HUNK: variants seen among roughly 807,000 people sequenced by gnomAD.
HUNK encodes hormonally up-regulated Neu-associated kinase.
In HUNK, 21 loss-of-function variants were observed where a neutral mutation model predicts 61.0. The observed-to-expected ratio is 0.34, with a 90% CI of 0.24 to 0.50. HUNK has a LOEUF of 0.50. Among genes scored for constraint, HUNK ranks in the 20% least tolerant of loss-of-function variants. The probability of loss-of-function intolerance (pLI) is 0.98; values close to 1 mark genes in which losing one functional copy is unlikely to be tolerated. For missense variants in HUNK, 772 were observed against 945.7 expected (o/e 0.82, Z 2.41); for synonymous variants, 371 against 386.1 (o/e 0.96, Z 0.46).
At chr21:31,979,164 G>A (rs1330512134) in intron 7 of HUNK, among the ~76,000 whole-genome samples, 3 of 150,014 alleles carry the variant, frequency 2.0e-5, no homozygotes, top group East Asian at 3.9e-4. Flanking sequence ...GTGCAGTGGC[G>A]TGATCTCGGC....
chr21:31,979,736 C>T (rs1212117880), intron 7 of HUNK, among the ~76,000 whole-genome samples: 3 of 151,710 alleles, frequency 2.0e-5, no homozygotes, highest in African/African-American at 4.8e-5. Flanking sequence ...AGGATGGTCT[C>T]AATCTCCTGA....
At chr21:31,907,200 C>A (rs889235273) in intron 1 of HUNK, among the ~76,000 whole-genome samples, 6 of 151,996 alleles carry the variant, frequency 3.9e-5, no homozygotes, top group African/African-American at 1.4e-4. Context: ...AAAAAATGTG[C>A]TTTGTCCGAA....
intron 8 of HUNK, among the ~76,000 whole-genome samples, chr21:31,985,111 G>A (rs368309097): frequency 2.6e-5 from 4 of 152,190 alleles, no homozygotes; most frequent in Admixed American, 6.5e-5. Context: ...ATCTCCACCT[G>A]TCCCCGCCCT....
At chr21:31,952,059 T>C (rs2052853787) in intron 4 of HUNK, among the ~76,000 whole-genome samples, 1 of 151,804 alleles carries the variant, frequency 6.6e-6, no homozygotes, top group Non-Finnish European at 1.5e-5. Flanking sequence ...ATATTTAACA[T>C]AGAGTAAAGG....
intron 4 of HUNK, among the ~76,000 whole-genome samples, chr21:31,957,373 A>G (rs116453462): frequency 0.015 from 2,247 of 152,304 alleles, 55 homozygotes; most frequent in African/African-American, 0.052. Flanking sequence ...AACTAACTCC[A>G]CTGTGAGTGG....
chr21:31,929,552 G>A (rs1486001737), intron 2 of HUNK, among the ~76,000 whole-genome samples: 2 of 152,172 alleles, frequency 1.3e-5, no homozygotes, highest in South Asian at 2.1e-4. Context: ...CAAGAACGCC[G>A]ATTCTGCTGA....
At chr21:31,909,118 T>G (rs956508568) in intron 1 of HUNK, among the ~76,000 whole-genome samples, 3 of 152,180 alleles carry the variant, frequency 2.0e-5, no homozygotes, top group Admixed American at 2.0e-4. Flanking sequence ...ATTTTATCCT[T>G]GTGGATAATA....
rs1033477559 is a variant in HUNK, at chr21:31,924,883, A to G, written c.554+123A>G. 2 of 739,368 alleles carry G rather than the reference A, an allele frequency of 2.7e-6. No homozygotes were observed. Among genetic ancestry groups the G allele is most frequent in the Middle Eastern group, 4.1e-4 (1 of 2,460 alleles). The allele number at this position is 739,368 out of a possible 1,614,324, so 45.8% of individuals were successfully genotyped here. A position where few individuals can be genotyped will look rare whatever the true frequency, so the allele number is the denominator to read the frequency against. ...GCAGCCTGTTTTACAATTTGTCTAT[A>G]TTTTAATTTTATTTATTTGTTTATT... On this transcript the variant is annotated intron_variant, in intron 2 of 10. Coordinates refer to ENST00000270112, the MANE Select transcript of HUNK (RefSeq NM_014586.2). The surrounding 1 kb of genome is among the most constrained non-coding windows in gnomAD (Gnocchi z 5.1).
intron 10 of HUNK, among the ~76,000 whole-genome samples, chr21:31,996,528 G>A (rs1042255955): frequency 6.6e-6 from 1 of 152,158 alleles, no homozygotes; most frequent in African/African-American, 2.4e-5. Flanking sequence ...TGACAAATAT[G>A]TTTCCCTCCT....
intron 1 of HUNK, among the ~76,000 whole-genome samples, chr21:31,910,316 C>G (rs2052537190): frequency 6.6e-6 from 1 of 152,088 alleles, no homozygotes. Context: ...TGTCTTCGCA[C>G]AGACATCCTC....
chr21:31,874,372 G>T (rs2052243163), intron 1 of HUNK, among the ~76,000 whole-genome samples: 1 of 151,944 alleles, frequency 6.6e-6, no homozygotes, highest in East Asian at 1.9e-4. Context: ...CAGCCTCTGG[G>T]GGGAGCTTAG....
chr21:31,979,272 C>A (rs2053074464), intron 7 of HUNK, among the ~76,000 whole-genome samples: 1 of 151,956 alleles, frequency 6.6e-6, no homozygotes, highest in African/African-American at 2.4e-5. Flanking sequence ...GTGCACACCA[C>A]CATGCCCAGC....
At chr21:31,964,303 G>T (rs1338933066) in intron 5 of HUNK, among the ~76,000 whole-genome samples, 1 of 152,172 alleles carries the variant, frequency 6.6e-6, no homozygotes, top group African/African-American at 2.4e-5. Context: ...TGATGAGGAG[G>T]GAGCTTCAAG....
intron 1 of HUNK, among the ~76,000 whole-genome samples, chr21:31,909,926 A>C (rs1271936116): frequency 3.3e-5 from 5 of 151,860 alleles, no homozygotes; most frequent in Non-Finnish European, 7.4e-5. Flanking sequence ...TTTTATGCGG[A>C]ATTCAGGCTT....
chr21:31,906,524 TC>T (rs757651295), intron 1 of HUNK, among the ~76,000 whole-genome samples: 1 of 152,064 alleles, frequency 6.6e-6, no homozygotes, highest in Non-Finnish European at 1.5e-5. Flanking sequence ...AACCTCTGCC[TC>T]CCGGGCTCAG....
chr21:31,989,675 C>T (rs1034823225), intron 8 of HUNK, among the ~76,000 whole-genome samples: 1 of 142,850 alleles, frequency 7.0e-6, no homozygotes, highest in Admixed American at 7.2e-5. Flanking sequence ...GGTCGTGCTA[C>T]TGCACTCTAA....
chr21:31,929,900 G>A (rs80312824), intron 2 of HUNK, among the ~76,000 whole-genome samples: 3,710 of 152,340 alleles, frequency 0.024, 147 homozygotes, highest in African/African-American at 0.086. Context: ...TGCTGGTTAG[G>A]GGGTTAAGAA....
chr21:31,895,610 G>A (rs2052419598), intron 1 of HUNK, among the ~76,000 whole-genome samples: 1 of 152,204 alleles, frequency 6.6e-6, no homozygotes, highest in African/African-American at 2.4e-5. Flanking sequence ...AGCATTAGGA[G>A]AGTAACTTCT....
In HUNK at chr21:31,873,024, G is replaced by A. The variant is rs2052225703; in HGVS notation, c.-651G>A. Among the ~76,000 whole-genome samples the A allele has an allele frequency of 6.6e-6, 1 of 152,164 alleles. No individual in the cohort carries two copies. The highest frequency in any genetic ancestry group is 2.4e-5 in the African/African-American group (1 of 41,458). On this transcript the variant is annotated 5_prime_UTR_variant, in exon 1 of 11. Coordinates refer to ENST00000270112, the MANE Select transcript of HUNK (RefSeq NM_014586.2). The surrounding 1 kb of genome is among the most constrained non-coding windows in gnomAD (Gnocchi z 6.1). Reference sequence around the variant, plus strand: ...GCGCGCGGGGAAGGAGGGGCTACTAGGGATTTGAAAGTGCACGGGCTGCGG... The same window carrying A: ...GCGCGCGGGGAAGGAGGGGCTACTAAGGATTTGAAAGTGCACGGGCTGCGG...
Sources: gnomAD v4.1 joint callset for allele counts (sites outside exome capture counted in the v4.1 genomes callset) on GRCh38, gnomAD v4.1.1 for gene constraint, Gnocchi (gnomAD v3.1) non-coding constraint, MANE v1.5 for transcripts, NCBI Gene and HGNC (gene_info 2026-07-23, HGNC 2026-07-21) for gene names.